The following WNT2 variants were observed in gnomAD, a reference collection of about 807,000 sequenced individuals.
WNT2 encodes the protein Wnt family member 2.
A neutral mutation model predicts 36.9 loss-of-function variants in WNT2; 12 were observed. That is an observed-to-expected ratio of 0.33 (90% CI 0.21 to 0.53). The LOEUF is 0.53. Ranked by LOEUF, WNT2 falls within the 20% of genes least tolerant of loss-of-function variation. WNT2 has a pLI of 0.95. For missense variants in WNT2, 379 were observed against 473.1 expected, an observed-to-expected ratio of 0.80 and a Z score of 1.84; for synonymous variants, 163 against 174.6, an observed-to-expected ratio of 0.93 and a Z score of 0.52.
chr7:117,292,106 G>C lies in WNT2; in HGVS notation c.853+5506C>G, dbSNP rs1794700613. ...TTCTATTTCTTAGGAGCAATCAAAG[G>C]CATTGACGCTTTTGAAAATCTGAGG... On this transcript the variant is annotated intron_variant, in intron 4 of 4. Transcript: ENST00000265441. 3.9e-5 allele frequency among the ~76,000 whole-genome samples: 6 copies of C among 152,224 alleles called. No individual in the cohort carries two copies. In the South Asian group the frequency reaches 1.2e-3, roughly 32 times the overall value.
chr7:117,302,523 G>T (rs1794928551), intron 3 of WNT2, among the ~76,000 whole-genome samples: 1 of 152,138 alleles, frequency 6.6e-6, no homozygotes, highest in South Asian at 2.1e-4. Context: ...TGCAATACCT[G>T]CAAAAATGTT....
chr7:117,285,215 C>T (rs1409787886), intron 4 of WNT2, among the ~76,000 whole-genome samples: 1 of 152,204 alleles, frequency 6.6e-6, no homozygotes, highest in African/African-American at 2.4e-5. Context: ...ACTGGGTTAA[C>T]ATGGTGTCAG....
Position 117,284,474 on chromosome 7 carries a change from A to C in WNT2, c.854-6090T>G, listed in dbSNP as rs1421157390. ...AGATGTTTTTTCTCAAATAATATAC[A>C]AACTTGTTAACTGAGTCACTCACCC... is the stretch of plus-strand genomic sequence containing the variant. On this transcript the variant is annotated intron_variant, in intron 4 of 4. Coordinates refer to ENST00000265441, the MANE Select transcript of WNT2 (RefSeq NM_003391.3). The surrounding 1 kb of genome is among the most constrained non-coding windows in gnomAD (Gnocchi z 5.2). Among the ~76,000 whole-genome samples, 1 of 152,214 alleles carries C rather than the reference A, an allele frequency of 6.6e-6. No individual in the cohort carries two copies. Among genetic ancestry groups the C allele is most frequent in the Non-Finnish European group, 1.5e-5 (1 of 68,046 alleles).
chr7:117,315,150 G>A lies in WNT2; in HGVS notation c.509C>T (p.Ala170Val). ...NIDYGIKFAR[A>V]FVDAKERKGK... ...TTTCCTTTCCTTTGCATCCACAAAT[G>A]CGCGGGCAAATTTGATCCCATAGTC... Residue 170 changes from alanine (A) to valine (V), a missense_variant, in exon 3 of 5, where the codon GCA becomes GTA. Ala to Val is a moderately conservative substitution (Grantham distance 64). Transcript: ENST00000265441. The A allele has an allele frequency of 1.2e-6, 2 of 1,614,144 alleles. No homozygotes were observed. Among genetic ancestry groups the A allele is most frequent in the African/African-American group, 1.3e-5 (1 of 75,028 alleles).
At chr7:117,315,789 C>T (rs948838317) in intron 2 of WNT2, among the ~76,000 whole-genome samples, 1 of 152,196 alleles carries the variant, frequency 6.6e-6, no homozygotes, top group African/African-American at 2.4e-5. Context: ...CCACAGCTTT[C>T]CTCAAAATAT....
chr7:117,319,675 T>C (rs1795289147), intron 2 of WNT2, among the ~76,000 whole-genome samples: 1 of 152,232 alleles, frequency 6.6e-6, no homozygotes, highest in Non-Finnish European at 1.5e-5. Flanking sequence ...ATGGGTATTA[T>C]TTGAAAATGA....
chr7:117,320,845 T>C, intron 1 of WNT2, 52 bp from the exon 2 acceptor site: 2 of 1,484,634 alleles, frequency 1.3e-6, no homozygotes, highest in Non-Finnish European at 1.8e-6. Flanking sequence ...CAGGGAGGCC[T>C]GGCTCAGTGT....
rs1264485774 is a variant in WNT2 at position 117,276,394 on chromosome 7, C to A, written c.*1761G>T. On this transcript the variant is annotated 3_prime_UTR_variant, in exon 5 of 5. Transcript: ENST00000265441. ...CTTCTTCACACCAAGCTCAGAGCAG[C>A]TACTGTCATTCCACTGTTCCCACCA... Among the ~76,000 whole-genome samples the A allele has an allele frequency of 6.6e-6, 1 of 152,204 alleles. No homozygotes were observed. Among genetic ancestry groups the A allele is most frequent in the Non-Finnish European group, 1.5e-5 (1 of 68,048 alleles).
intron 3 of WNT2, among the ~76,000 whole-genome samples, chr7:117,305,192 C>T (rs1794992847): frequency 6.6e-6 from 1 of 152,166 alleles, no homozygotes; most frequent in Non-Finnish European, 1.5e-5. Flanking sequence ...TACTTTTAGT[C>T]CATCCATTTG....
At chr7:117,288,376 A>G (rs1410793215) in intron 4 of WNT2, among the ~76,000 whole-genome samples, 1 of 152,188 alleles carries the variant, frequency 6.6e-6, no homozygotes, top group African/African-American at 2.4e-5. Context: ...AAATAGTGAT[A>G]TGCAGCAATC....
chr7:117,300,132 G>C (rs928631548), intron 3 of WNT2, among the ~76,000 whole-genome samples: 1 of 152,096 alleles, frequency 6.6e-6, no homozygotes, highest in African/African-American at 2.4e-5. Context: ...TCCTATGATA[G>C]GAGAAATCTC....
chr7:117,320,623 CAGCGGTGCTG>C lies in WNT2; in HGVS notation c.244_253del (p.Gln82GlyfsTer48). 1 of 1,614,044 alleles carries C rather than the reference CAGCGGTGCTG, an allele frequency of 6.2e-7. No homozygotes were observed. Among genetic ancestry groups the C allele is most frequent in the Non-Finnish European group, 8.5e-7 (1 of 1,179,984 alleles). ...ATCCCTGTCCAGGGTGTTGCAATTC[CAGCGGTGCTG>C]GCGGAACTGGTGCTGGCATTCTGCT... On this transcript the variant is annotated frameshift_variant, in exon 2 of 5. Transcript: ENST00000265441. LOFTEE classifies it high-confidence loss of function.
intron 4 of WNT2, among the ~76,000 whole-genome samples, chr7:117,297,033 A>G (rs534308890): frequency 4.5e-4 from 69 of 152,308 alleles, no homozygotes; most frequent in African/African-American, 1.6e-3. Flanking sequence ...TCTCAGCTTC[A>G]GGATCACATG....
intron 4 of WNT2, among the ~76,000 whole-genome samples, chr7:117,280,253 A>G (rs1794458030): frequency 1.3e-5 from 2 of 152,194 alleles, no homozygotes; most frequent in Non-Finnish European, 2.9e-5. Flanking sequence ...CTCAGCTTGG[A>G]TTCCAGGCAG....
At position 117,309,561 on chromosome 7, in the gene WNT2, C is replaced by T. The variant is rs928115382; in HGVS notation, c.588+5510G>A. Among the ~76,000 whole-genome samples the T allele has an allele frequency of 9.2e-5, 14 of 152,232 alleles. 1 individual carries two copies. The highest frequency in any genetic ancestry group is 9.2e-4 in the Admixed American group (14 of 15,286). On this transcript the variant is annotated intron_variant, in intron 3 of 4. Transcript: ENST00000265441. ...CCACCCTGCTAAACCTCAGTCTCCT[C>T]ATATGCAAACTGTATAATAATGGTA... is the stretch of plus-strand genomic sequence containing the variant.
chr7:117,299,621 T>C (rs561708587), intron 3 of WNT2, among the ~76,000 whole-genome samples: 1 of 151,954 alleles, frequency 6.6e-6, no homozygotes, highest in South Asian at 2.1e-4. Flanking sequence ...GGCTCCTGCA[T>C]AGCTAGGACT....
chr7:117,291,078 A>G (rs1226739829), intron 4 of WNT2, among the ~76,000 whole-genome samples: 1 of 152,232 alleles, frequency 6.6e-6, no homozygotes, highest in East Asian at 1.9e-4. Context: ...ACCACTGGGC[A>G]TGAGAGAACA....
chr7:117,312,376 G>T (rs1795138993), intron 3 of WNT2, among the ~76,000 whole-genome samples: 2 of 152,178 alleles, frequency 1.3e-5, no homozygotes, highest in African/African-American at 4.8e-5. Context: ...TAGAGACAGG[G>T]TTTCATCATG....
rs919530037 is a variant in WNT2 at position 117,277,997 on chromosome 7, C to A, written c.*158G>T. The stretch of plus-strand genomic sequence containing the variant: ...CTTTAGGTGCAGCGTGTGGCCCCCC[C>A]ATCCTGGGGCCCCCAGGGAGGAAGA... On this transcript the variant is annotated 3_prime_UTR_variant, in exon 5 of 5. Transcript: ENST00000265441. 31 of 752,578 alleles carry A rather than the reference C, an allele frequency of 4.1e-5. No homozygotes were observed. Among genetic ancestry groups the A allele is most frequent in the South Asian group, 9.2e-5 (5 of 54,284 alleles). 46.6% of individuals were successfully genotyped at this position (752,578 alleles called of 1,614,324 possible).
Sources: gnomAD v4.1 joint callset for allele counts (sites outside exome capture counted in the v4.1 genomes callset) on GRCh38, gnomAD v4.1.1 for gene constraint, Gnocchi (gnomAD v3.1) non-coding constraint, MANE v1.5 for transcripts, NCBI Gene and HGNC (gene_info 2026-07-23, HGNC 2026-07-21) for gene names.